The following STK10 variants were observed in gnomAD, a reference collection of about 807,000 sequenced individuals.
STK10 encodes the protein serine/threonine kinase 10, also known as serine/threonine-protein kinase 10.
Under a neutral mutation model 113.8 loss-of-function variants are expected in STK10, and 78 were observed. The observed-to-expected ratio is 0.69, with a 90% CI of 0.57 to 0.83. The LOEUF (loss-of-function observed/expected upper bound fraction) is 0.83, where lower values mean the gene tolerates loss of function less well. STK10 is among the 40% of genes least tolerant of loss of function. The pLI is 0.00. For missense variants in STK10, 1,109 were observed against 1,280.1 expected (o/e 0.87, Z 2.04); for synonymous variants, 465 against 494.7 (o/e 0.94, Z 0.80).
intron 2 of STK10, among the ~76,000 whole-genome samples, chr5:172,147,749 C>T (rs1204497023): frequency 2.0e-5 from 3 of 152,122 alleles, no homozygotes; most frequent in South Asian, 2.1e-4. Context: ...CCTCTGGAAT[C>T]GGTCTCTTGA....
In STK10 at chr5:172,048,615, TCCTAGTTCAAGATACCAC is replaced by T. The variant is rs1291891101; in HGVS notation, c.2767-3611_2767-3594del. ...CAAATTCCCCCAACCTCTGATACCA[TCCTAGTTCAAGATACCAC>T]CCTAGTCCAAGCTGCCATCATTAGT... On this transcript the variant is annotated intron_variant, in intron 18 of 18. Transcript: ENST00000176763. Among the ~76,000 whole-genome samples the T allele has an allele frequency of 7.5e-3, 835 of 111,078 alleles. 9 individuals carry two copies. The highest frequency in any genetic ancestry group is 0.048 in the African/African-American group (757 of 15,830). The allele number at this position is 111,078 out of a possible 152,430, so 72.9% of individuals were successfully genotyped here. A position where few individuals can be genotyped will look rare whatever the true frequency, so the allele number is the denominator to read the frequency against.
At chr5:172,080,065 A>G in intron 12 of STK10, among the ~76,000 whole-genome samples, 1 of 152,236 alleles carries the variant, frequency 6.6e-6, no homozygotes, top group East Asian at 1.9e-4. Flanking sequence ...GTCTGTTCAC[A>G]TTTTGGTAAT....
intron 1 of STK10, among the ~76,000 whole-genome samples, chr5:172,165,425 T>A (rs907690617): frequency 1.2e-4 from 19 of 152,268 alleles, no homozygotes; most frequent in South Asian, 4.1e-4. Flanking sequence ...GCAAAGAGCC[T>A]AGAGGGGCCT....
At chr5:172,157,987 G>A (rs1000812305) in intron 1 of STK10, among the ~76,000 whole-genome samples, 3 of 152,192 alleles carry the variant, frequency 2.0e-5, no homozygotes, top group Non-Finnish European at 4.4e-5. Context: ...GACTGCGTAA[G>A]TGCCCACCAG....
intron 10 of STK10, among the ~76,000 whole-genome samples, chr5:172,085,667 C>T (rs1162295289): frequency 4.1e-5 from 6 of 145,652 alleles, no homozygotes; most frequent in Non-Finnish European, 8.9e-5. Context: ...CCAGCCTGGG[C>T]GACAGAGTGA....
chr5:172,063,882 C>T (rs901215499), intron 13 of STK10, among the ~76,000 whole-genome samples: 2 of 152,098 alleles, frequency 1.3e-5, no homozygotes, highest in Non-Finnish European at 2.9e-5. Context: ...GCTTTGGGGG[C>T]TGAGGAAGCA....
intron 10 of STK10, among the ~76,000 whole-genome samples, chr5:172,084,762 T>C (rs941168477): frequency 6.6e-6 from 1 of 152,082 alleles, no homozygotes; most frequent in Admixed American, 6.6e-5. Flanking sequence ...GGGTGTCAGA[T>C]TTTTTTAGAT....
chr5:172,174,470 G>A (rs1436539492), intron 1 of STK10, among the ~76,000 whole-genome samples: 1 of 151,928 alleles, frequency 6.6e-6, no homozygotes. Flanking sequence ...GCCACTGCAC[G>A]CCTGCAGCTC....
chr5:172,047,226 A>C (rs1416816720), intron 18 of STK10, among the ~76,000 whole-genome samples: 1 of 152,218 alleles, frequency 6.6e-6, no homozygotes, highest in Admixed American at 6.5e-5. Context: ...TCTATAAAGA[A>C]TTCTGCAAAG....
At chr5:172,064,941 C>T in intron 12 of STK10, 129 bp from the exon 13 acceptor site, 2 of 939,692 alleles carry the variant, frequency 2.1e-6, no homozygotes, top group Non-Finnish European at 3.2e-6. Flanking sequence ...CGGCCAGCAC[C>T]CTACGCGGCT....
chr5:172,105,785 G>T lies in STK10; in HGVS notation c.789-48C>A, dbSNP rs780054917. 3.5e-5 allele frequency: 55 copies of T among 1,554,628 alleles called. No individual in the cohort carries two copies. The South Asian group carries it at 6.0e-4, about 17-fold the overall frequency. ...TAAGCATGGAGGAGGCAAGAGCAGA[G>T]AGAAGCCCCCCACGTCACAGACTCC... On this transcript the variant is annotated intron_variant, in intron 6 of 18. Coordinates refer to ENST00000176763, the MANE Select transcript of STK10 (RefSeq NM_005990.4).
intron 2 of STK10, among the ~76,000 whole-genome samples, chr5:172,153,259 C>T (rs1770275350): frequency 7.3e-6 from 1 of 137,022 alleles, no homozygotes; most frequent in Non-Finnish European, 1.5e-5. Flanking sequence ...GCACTCCAGC[C>T]TGGGCAACAG....
chr5:172,051,227 T>C (rs1443027171), intron 18 of STK10, among the ~76,000 whole-genome samples: 1 of 152,170 alleles, frequency 6.6e-6, no homozygotes, highest in Non-Finnish European at 1.5e-5. Flanking sequence ...ACACATTTCA[T>C]TATACAATAT....
rs1351909984 is a variant in STK10 at position 172,082,914 on chromosome 5, C to T, written c.1809+47G>A. 8.7e-6 allele frequency: 14 copies of T among 1,605,102 alleles called. No homozygotes were observed. Among genetic ancestry groups the T allele is most frequent in the Non-Finnish European group, 1.1e-5 (13 of 1,176,132 alleles). ...CTATGTAGCTTCCACTGAGAGAACACCTGGAGGCAAGAAGCCCTGCAGGGT... is the reference window on the plus strand; with the variant it reads ...CTATGTAGCTTCCACTGAGAGAACATCTGGAGGCAAGAAGCCCTGCAGGGT... On this transcript the variant is annotated intron_variant, in intron 11 of 18. Coordinates refer to ENST00000176763, the MANE Select transcript of STK10 (RefSeq NM_005990.4). The surrounding 1 kb of genome is among the most constrained non-coding windows in gnomAD (Gnocchi z 4.3).
chr5:172,147,153 G>A (rs1770103393), intron 2 of STK10, among the ~76,000 whole-genome samples: 1 of 152,214 alleles, frequency 6.6e-6, no homozygotes, highest in Non-Finnish European at 1.5e-5. Context: ...TACAGATGAA[G>A]GGATGTGTAT....
At chr5:172,126,521 G>A (rs375987591) in intron 3 of STK10, among the ~76,000 whole-genome samples, 4 of 152,016 alleles carry the variant, frequency 2.6e-5, no homozygotes, top group South Asian at 2.1e-4. Context: ...CTGAGATTGC[G>A]CCACTGCACT....
chr5:172,113,144 T>G (rs1294984867), intron 4 of STK10, among the ~76,000 whole-genome samples: 2 of 152,152 alleles, frequency 1.3e-5, no homozygotes, highest in African/African-American at 4.8e-5. Context: ...GTTTTGTGGG[T>G]TTTTTTGTTT....
intron 1 of STK10, among the ~76,000 whole-genome samples, chr5:172,179,354 T>C (rs1369487716): frequency 6.6e-6 from 1 of 152,158 alleles, no homozygotes; most frequent in African/African-American, 2.4e-5. Flanking sequence ...CACCACCCTG[T>C]TCCACTACCC....
At chr5:172,153,314 AAGAAAG>A (rs1057222369) in intron 2 of STK10, among the ~76,000 whole-genome samples, 1 of 151,900 alleles carries the variant, frequency 6.6e-6, no homozygotes, top group Non-Finnish European at 1.5e-5. Context: ...GAAAGAAAGA[AAGAAAG>A]AAAGAAATGT....
Sources: allele counts gnomAD v4.1 joint callset (sites outside exome capture counted in the v4.1 genomes callset), GRCh38; gene constraint gnomAD v4.1.1; non-coding constraint Gnocchi (gnomAD v3.1); transcripts MANE v1.5; gene names NCBI Gene and HGNC (gene_info 2026-07-23, HGNC 2026-07-21).